Variants in BANP observed in about 807,000 individuals in gnomAD.
BANP encodes protein BANP.
In BANP, 11 loss-of-function variants were observed where a neutral mutation model predicts 68.1. That is an observed-to-expected ratio of 0.16 (90% CI 0.10 to 0.27). The LOEUF (loss-of-function observed/expected upper bound fraction) is 0.27, where lower values mean the gene tolerates loss of function less well. Ranked by LOEUF, BANP falls within the 10% of genes least tolerant of loss-of-function variation. The probability of loss-of-function intolerance (pLI) is 1.00; values close to 1 mark genes in which losing one functional copy is unlikely to be tolerated. For missense variants in BANP, 504 were observed against 722.7 expected, an observed-to-expected ratio of 0.70 and a Z score of 3.47; for synonymous variants, 329 against 303.2, an observed-to-expected ratio of 1.09 and a Z score of -0.88.
At position 87,973,401 on chromosome 16, in the gene BANP, A is replaced by G. The variant is rs546596483; in HGVS notation, c.-68-1647A>G. On this transcript the variant is annotated intron_variant, in intron 1 of 13. Transcript: ENST00000682872. ...CACATTTATGAAAAATATTGCCTTT[A>G]CTCTATAAAGGAAGATTTAAGACAG... Among the ~76,000 whole-genome samples the G allele has an allele frequency of 3.3e-5, 5 of 152,104 alleles. No homozygotes were observed. In the East Asian group the frequency reaches 9.7e-4, roughly 29 times the overall value.
chr16:87,977,110 ATTTG>A lies in BANP; in HGVS notation c.70+1928_70+1931del, dbSNP rs371766189. Among the ~76,000 whole-genome samples, 1,191 of 152,270 alleles carry A rather than the reference ATTTG, an allele frequency of 7.8e-3. 12 individuals are homozygous for A. Among genetic ancestry groups the A allele is most frequent in the African/African-American group, 0.027 (1,116 of 41,554 alleles). On this transcript the variant is annotated intron_variant, in intron 2 of 13. Coordinates refer to ENST00000682872, the MANE Select transcript of BANP (RefSeq NM_001386991.1). ...GCCTAAGAACTGCGATTTCTTGAGT[ATTTG>A]TTAAAAGCCTACTGTGTCAGCCAGG...
intron 5 of BANP, among the ~76,000 whole-genome samples, chr16:88,005,055 C>G (rs2070591417): frequency 6.6e-6 from 1 of 152,194 alleles, no homozygotes; most frequent in Non-Finnish European, 1.5e-5. Context: ...TTTGCTTTTT[C>G]TCTCAGTCTC....
At position 88,073,334 on chromosome 16, in the gene BANP, G is replaced by C. The variant is rs529571296; in HGVS notation, c.1521+1122G>C. Among the ~76,000 whole-genome samples, 3 of 152,370 alleles carry C rather than the reference G, an allele frequency of 2.0e-5. No homozygotes were observed. The East Asian group carries it at 5.8e-4, about 29-fold the overall frequency. ...TTTAAGGACCCGTGTCCTGTAGAAG[G>C]TCTGGCCCCTCCTCTGGCCTGAGCA... is the stretch of plus-strand genomic sequence containing the variant. On this transcript the variant is annotated intron_variant, in intron 13 of 13. Transcript: ENST00000682872.
chr16:88,067,129 G>A (rs2088890966), intron 12 of BANP, among the ~76,000 whole-genome samples: 2 of 152,236 alleles, frequency 1.3e-5, no homozygotes, highest in South Asian at 4.1e-4. Flanking sequence ...GGTGTGTGGG[G>A]GAAGGTGAAG....
At chr16:88,029,385 A>G (rs775216261) in intron 8 of BANP, among the ~76,000 whole-genome samples, 24 of 150,912 alleles carry the variant, frequency 1.6e-4, no homozygotes, top group Non-Finnish European at 1.8e-4. Context: ...CAAGGCGGGC[A>G]GATCATGAGG....
At chr16:88,034,864 A>G (rs1374501872) in intron 9 of BANP, among the ~76,000 whole-genome samples, 5 of 152,188 alleles carry the variant, frequency 3.3e-5, no homozygotes, top group South Asian at 4.1e-4. Context: ...CCCATAGTCA[A>G]CTGTGATCTG....
At chr16:88,051,697 C>T (rs771800481) in intron 11 of BANP, among the ~76,000 whole-genome samples, 6 of 152,294 alleles carry the variant, frequency 3.9e-5, no homozygotes, top group Middle Eastern at 3.4e-3. Flanking sequence ...CATAAAAATC[C>T]GCATAGAGAA....
intron 6 of BANP, among the ~76,000 whole-genome samples, chr16:88,006,906 C>T (rs866673314): frequency 2.9e-5 from 4 of 138,248 alleles, no homozygotes; most frequent in Middle Eastern, 4.1e-3. Flanking sequence ...GAGCTGAGAT[C>T]GCACCACTGT....
chr16:88,059,856 A>G (rs1409573482), intron 11 of BANP, among the ~76,000 whole-genome samples: 1 of 151,544 alleles, frequency 6.6e-6, no homozygotes, highest in Non-Finnish European at 1.5e-5. Context: ...CCTAGGTCAG[A>G]TGCACTTGAG....
At chr16:87,952,101 G>T (rs2057035516) in intron 1 of BANP, 1 of 152,254 alleles carries the variant, frequency 6.6e-6, no homozygotes, top group Admixed American at 6.5e-5. Flanking sequence ...GGACCTCGGG[G>T]TGCCCCCTCC....
intron 1 of BANP, among the ~76,000 whole-genome samples, chr16:87,956,415 ACAT>A (rs2058058057): frequency 1.3e-5 from 2 of 152,320 alleles, no homozygotes; most frequent in Admixed American, 6.5e-5. Context: ...TGAAAGCATG[ACAT>A]CATCTGACTT....
rs1157376056 is a variant in BANP at position 88,050,400 on chromosome 16, C to T, written c.1311+12389C>T. ...TGAACTCCCGGGCTTAAGGAGTCCACCTGCCTCGGCCTCCCAGGGTGCTCG... is the reference window on the plus strand; with the variant it reads ...TGAACTCCCGGGCTTAAGGAGTCCATCTGCCTCGGCCTCCCAGGGTGCTCG... On this transcript the variant is annotated intron_variant, in intron 11 of 13. Transcript: ENST00000682872. 1.1e-4 allele frequency among the ~76,000 whole-genome samples: 16 copies of T among 152,226 alleles called. No homozygotes were observed. The South Asian group carries it at 3.1e-3, about 30-fold the overall frequency.
chr16:87,964,961 A>G (rs377134869), intron 1 of BANP, among the ~76,000 whole-genome samples: 172 of 152,274 alleles, frequency 1.1e-3, no homozygotes, highest in African/African-American at 4.0e-3. Context: ...GACACCTAGT[A>G]GGTGGTGTGG....
intron 11 of BANP, among the ~76,000 whole-genome samples, chr16:88,051,331 G>T (rs547503442): frequency 2.0e-5 from 3 of 152,352 alleles, no homozygotes; most frequent in African/African-American, 7.2e-5. Flanking sequence ...GGTGTGGGTG[G>T]GGTACGGCAC....
At chr16:87,967,254 C>CTTTTTTTT (rs573550962) in intron 1 of BANP, among the ~76,000 whole-genome samples, 3 of 106,992 alleles carry the variant, frequency 2.8e-5, no homozygotes, top group Non-Finnish European at 5.6e-5. Context: ...GGAAAAGGTT[C>CTTTTTTTT]TTTTTTTTTT....
At chr16:87,955,474 C>G (rs766892046) in intron 1 of BANP, among the ~76,000 whole-genome samples, 1 of 152,198 alleles carries the variant, frequency 6.6e-6, no homozygotes, top group Non-Finnish European at 1.5e-5. Context: ...TCTTATGTAA[C>G]CAGGCATCCA....
chr16:88,006,080 T>C lies in BANP; in HGVS notation c.480-10T>C, dbSNP rs998854359. On this transcript the variant is annotated splice_polypyrimidine_tract_variant and intron_variant, in intron 5 of 13. Transcript: ENST00000682872. ...CCACATCGGGCTGGTGTGTTTTTTT[T>C]CCCGTTTAGCGCTGTGCCTGGGCGT... 1.2e-6 allele frequency: 2 copies of C among 1,613,626 alleles called. No homozygotes were observed. Among genetic ancestry groups the C allele is most frequent in the Non-Finnish European group, 8.5e-7 (1 of 1,179,820 alleles).
intron 4 of BANP, among the ~76,000 whole-genome samples, chr16:87,989,581 C>T (rs1336349510): frequency 6.7e-6 from 1 of 150,014 alleles, no homozygotes; most frequent in Admixed American, 6.6e-5. Flanking sequence ...GGACACAGGA[C>T]ACAGGGCGGG....
At chr16:88,046,092 G>A (rs1328032690) in intron 11 of BANP, among the ~76,000 whole-genome samples, 3 of 152,238 alleles carry the variant, frequency 2.0e-5, no homozygotes, top group Admixed American at 6.5e-5. Flanking sequence ...GTGAGTAGGC[G>A]GGCTGTGGTC....
Sources: gnomAD v4.1 joint callset for allele counts (sites outside exome capture counted in the v4.1 genomes callset) on GRCh38, gnomAD v4.1.1 for gene constraint, MANE v1.5 for transcripts, NCBI Gene and HGNC (gene_info 2026-07-23, HGNC 2026-07-21) for gene names.